Variants in NRXN1 observed in about 807,000 individuals in gnomAD.
NRXN1 encodes neurexin 1.
In NRXN1, 39 loss-of-function variants were observed where a neutral mutation model predicts 150.9. The observed-to-expected ratio is 0.26, with a 90% CI of 0.20 to 0.34. The LOEUF (loss-of-function observed/expected upper bound fraction) is 0.34, where lower values mean the gene tolerates loss of function less well. Among genes scored for constraint, NRXN1 ranks in the 10% least tolerant of loss-of-function variants. The pLI is 1.00. For missense variants in NRXN1, 1,815 were observed against 1,949.9 expected (o/e 0.93, Z 1.30); for synonymous variants, 924 against 757.0 (o/e 1.22, Z -3.62).
At chr2:50,782,502 G>A (rs1438052847) in intron 5 of NRXN1, among the ~76,000 whole-genome samples, 4 of 151,970 alleles carry the variant, frequency 2.6e-5, no homozygotes. Context: ...AAAAGAAAAG[G>A]ATGATGAATT....
intron 18 of NRXN1, among the ~76,000 whole-genome samples, chr2:50,147,217 G>A (rs1243574624): frequency 6.6e-6 from 1 of 151,700 alleles, no homozygotes; most frequent in African/African-American, 2.4e-5. Context: ...CTAGCAGCTA[G>A]AAGAAGCTAG....
At chr2:50,690,080 T>C (rs2104869786) in intron 5 of NRXN1, among the ~76,000 whole-genome samples, 1 of 152,154 alleles carries the variant, frequency 6.6e-6, no homozygotes, top group Non-Finnish European at 1.5e-5. Flanking sequence ...AGAGAGAAAG[T>C]TTCATCATGT....
intron 17 of NRXN1, among the ~76,000 whole-genome samples, chr2:50,450,717 C>T (rs570311537): frequency 6.6e-6 from 1 of 152,248 alleles, no homozygotes; most frequent in East Asian, 1.9e-4. Flanking sequence ...TCTCACTTTC[C>T]TCCAACTGCG....
Position 50,376,044 on chromosome 2 carries a change from T to C in NRXN1, c.3364+89398A>G, listed in dbSNP as rs557419448. Among the ~76,000 whole-genome samples, 1,168 of 144,062 alleles carry C rather than the reference T, an allele frequency of 8.1e-3. 14 individuals carry two copies. The highest frequency in any genetic ancestry group is 0.031 in the African/African-American group (1,136 of 36,096). 94.5% of individuals were successfully genotyped at this position (144,062 alleles called of 152,430 possible). On this transcript the variant is annotated intron_variant, in intron 17 of 22. Coordinates refer to ENST00000401669, the MANE Select transcript of NRXN1 (RefSeq NM_001330078.2). Reference sequence around the variant, plus strand: ...ACTCCTGCACATAAATACATATATATATACACACACACACACACACACACA... The same window carrying C: ...ACTCCTGCACATAAATACATATATACATACACACACACACACACACACACA...
At chr2:50,622,507 C>T (rs920654376) in intron 6 of NRXN1, among the ~76,000 whole-genome samples, 2 of 152,100 alleles carry the variant, frequency 1.3e-5, no homozygotes, top group Non-Finnish European at 2.9e-5. Flanking sequence ...TAAAGTTTCA[C>T]ATAATACCCA....
intron 5 of NRXN1, among the ~76,000 whole-genome samples, chr2:50,828,935 C>A (rs1270107232): frequency 6.6e-6 from 1 of 152,218 alleles, no homozygotes; most frequent in Non-Finnish European, 1.5e-5. Flanking sequence ...CCAGCCTGGG[C>A]ACCATTGAGC....
intron 5 of NRXN1, among the ~76,000 whole-genome samples, chr2:50,811,964 C>T (rs1668273760): frequency 6.6e-6 from 1 of 151,808 alleles, no homozygotes; most frequent in South Asian, 2.1e-4. Context: ...TAAGCAATTC[C>T]AACCTATACA....
intron 17 of NRXN1, among the ~76,000 whole-genome samples, chr2:50,310,807 G>A (rs577165201): frequency 6.6e-6 from 1 of 151,940 alleles, no homozygotes; most frequent in Non-Finnish European, 1.5e-5. Context: ...GAAAATATTC[G>A]TGAAGACGAG....
chr2:50,705,143 T>C (rs1451068434), intron 5 of NRXN1, among the ~76,000 whole-genome samples: 1 of 151,856 alleles, frequency 6.6e-6, no homozygotes, highest in East Asian at 1.9e-4. Context: ...TTAATAATTA[T>C]CTAGTTTGCT....
chr2:50,071,216 G>A (rs1696251435), intron 19 of NRXN1, among the ~76,000 whole-genome samples: 3 of 152,148 alleles, frequency 2.0e-5, no homozygotes, highest in African/African-American at 7.2e-5. Context: ...TTTTTCTGAA[G>A]TCTTTTAATC....
rs906477299 is a variant in NRXN1 at position 50,791,465 on chromosome 2, T to C, written c.832+130404A>G. 1.1e-4 allele frequency among the ~76,000 whole-genome samples: 16 copies of C among 152,304 alleles called. No individual in the cohort carries two copies. The Middle Eastern group carries it at 0.014, about 130-fold the overall frequency. On this transcript the variant is annotated intron_variant, in intron 5 of 22. Coordinates refer to ENST00000401669, the MANE Select transcript of NRXN1 (RefSeq NM_001330078.2). ...GAATGTCAACATCACCATCTGCTCATCTGGCTTTCAAAGGATGCATATGGG... is the reference window on the plus strand; with the variant it reads ...GAATGTCAACATCACCATCTGCTCACCTGGCTTTCAAAGGATGCATATGGG...
intron 2 of NRXN1, chr2:51,026,319 C>A: frequency 8.4e-7 from 1 of 1,192,340 alleles, no homozygotes; most frequent in Non-Finnish European, 1.2e-6. Flanking sequence ...ACTTTAAATC[C>A]TGACATCTCC....
At chr2:50,906,229 A>G (rs1191827136) in intron 5 of NRXN1, among the ~76,000 whole-genome samples, 1 of 152,156 alleles carries the variant, frequency 6.6e-6, no homozygotes, top group Non-Finnish European at 1.5e-5. Context: ...AGGAGAAAAT[A>G]TAGCTTACTT....
At chr2:49,978,069 G>T (rs1414185978) in intron 21 of NRXN1, among the ~76,000 whole-genome samples, 1 of 152,026 alleles carries the variant, frequency 6.6e-6, no homozygotes, top group Non-Finnish European at 1.5e-5. Context: ...GGCAGAGCCA[G>T]GAGAATCGCT....
chr2:50,040,707 C>T (rs1484328475), intron 21 of NRXN1, among the ~76,000 whole-genome samples: 1 of 151,998 alleles, frequency 6.6e-6, no homozygotes, highest in Non-Finnish European at 1.5e-5. Context: ...ATCAATTATT[C>T]CCACTTACAT....
Position 50,346,583 on chromosome 2 carries a change from T to A in NRXN1, c.3365-109613A>T. On this transcript the variant is annotated intron_variant, in intron 17 of 22. Transcript: ENST00000401669. This position sits in a 1 kb window ranked among gnomAD's most constrained non-coding sequence, Gnocchi z 5.0. The stretch of plus-strand genomic sequence containing the variant: ...CCAAGCACACCCAAATGCACCTCCC[T>A]TTTGTCGAGCTCCCATTTCTCTGAG... The A allele has an allele frequency of 8.3e-7, 1 of 1,201,316 alleles. No individual in the cohort carries two copies. The highest frequency in any genetic ancestry group is 1.2e-6 in the Non-Finnish European group (1 of 827,458). The allele number at this position is 1,201,316 out of a possible 1,614,324, so 74.4% of individuals were successfully genotyped here.
chr2:50,627,270 A>C (rs1471070968), intron 5 of NRXN1, among the ~76,000 whole-genome samples: 1 of 151,680 alleles, frequency 6.6e-6, no homozygotes, highest in Non-Finnish European at 1.5e-5. Flanking sequence ...AGTTAACTAA[A>C]CATTTGCCAA....
At chr2:50,233,993 T>A (rs2065192831) in intron 18 of NRXN1, among the ~76,000 whole-genome samples, 1 of 152,060 alleles carries the variant, frequency 6.6e-6, no homozygotes, top group Non-Finnish European at 1.5e-5. Flanking sequence ...CTTTCTTTGT[T>A]CCTTTCTTCC....
chr2:50,166,006 G>A (rs1168765801), intron 18 of NRXN1, among the ~76,000 whole-genome samples: 2 of 152,084 alleles, frequency 1.3e-5, no homozygotes, highest in Non-Finnish European at 2.9e-5. Flanking sequence ...TTGAGTGTGT[G>A]TGTAACCTGT....
Sources: allele counts gnomAD v4.1 joint callset (sites outside exome capture counted in the v4.1 genomes callset), GRCh38; gene constraint gnomAD v4.1.1; non-coding constraint Gnocchi (gnomAD v3.1); transcripts MANE v1.5; gene names NCBI Gene and HGNC (gene_info 2026-07-23, HGNC 2026-07-21).